ASB1: variants seen among roughly 807,000 people sequenced by gnomAD.
ASB1 encodes the protein ankyrin repeat and SOCS box containing 1.
In ASB1, 18 loss-of-function variants were observed where a neutral mutation model predicts 27.7. The ratio of observed to expected loss-of-function variants is 0.65; its 90% CI spans 0.45 to 0.96. The LOEUF (loss-of-function observed/expected upper bound fraction) is 0.96, where lower values mean the gene tolerates loss of function less well. Ranked by LOEUF, ASB1 falls within the 50% of genes least tolerant of loss-of-function variation. ASB1 has a pLI of 0.00. For synonymous variants in ASB1, 189 were observed against 187.6 expected (o/e 1.01, Z -0.06); for missense variants, 397 against 451.7 (o/e 0.88, Z 1.10).
intron 1 of ASB1, among the ~76,000 whole-genome samples, chr2:238,429,955 A>AACG (rs1701837248): frequency 2.0e-5 from 3 of 148,948 alleles, no homozygotes; most frequent in Non-Finnish European, 3.0e-5. Flanking sequence ...AAAAAAAACC[A>AACG]AGTACAATAA....
intron 2 of ASB1, 25 bp downstream of exon 2, chr2:238,433,720 T>C: frequency 2.5e-6 from 4 of 1,612,420 alleles, no homozygotes; most frequent in Non-Finnish European, 3.4e-6. Context: ...CCAGGGCTGG[T>C]CCGGGTACTA....
intron 3 of ASB1, among the ~76,000 whole-genome samples, chr2:238,444,120 C>T (rs181054084): frequency 2.8e-4 from 42 of 152,288 alleles, no homozygotes; most frequent in Middle Eastern, 3.4e-3. Flanking sequence ...TGAAGGACTT[C>T]CCTTAGGAAT....
rs542132494 is a variant in ASB1, at chr2:238,437,463, C to T, written c.494+1450C>T. Among the ~76,000 whole-genome samples, 9 of 152,204 alleles carry T rather than the reference C, an allele frequency of 5.9e-5. No homozygotes were observed. The South Asian group carries it at 1.7e-3, about 28-fold the overall frequency. On this transcript the variant is annotated intron_variant, in intron 3 of 4. Transcript: ENST00000264607. ...GCCAGGATGGTCTCGATCTTCTGAC[C>T]TCGTGATCCGCCCGCCTCGGCCTCC...
intron 1 of ASB1, among the ~76,000 whole-genome samples, chr2:238,432,305 T>G (rs1296577659): frequency 6.6e-6 from 1 of 152,272 alleles, no homozygotes; most frequent in Non-Finnish European, 1.5e-5. Context: ...GGGTCACGCT[T>G]TATTTAAAAT....
chr2:238,435,969 C>G lies in ASB1; in HGVS notation c.450C>G (p.His150Gln). 3 of 1,613,948 alleles carry G rather than the reference C, an allele frequency of 1.9e-6. No homozygotes were observed. The highest frequency in any genetic ancestry group is 2.5e-6 in the Non-Finnish European group (3 of 1,179,998). ...ACCATCGCAGCACCCCTGTCTACCACGCCTCTCGCGTGGGCCGGGCAGACA... is the reference window on the plus strand; with the variant it reads ...ACCATCGCAGCACCCCTGTCTACCAGGCCTCTCGCGTGGGCCGGGCAGACA... ...SRHHRSTPVY[H>Q]ASRVGRADIL... Residue 150 changes from histidine to glutamine, a missense_variant, in exon 3 of 5, where the codon CAC becomes CAG. Physicochemically the swap from His to Gln is conservative, Grantham distance 24. Transcript: ENST00000264607.
At chr2:238,439,049 C>A (rs1297608671) in intron 3 of ASB1, among the ~76,000 whole-genome samples, 1 of 151,982 alleles carries the variant, frequency 6.6e-6, no homozygotes, top group Non-Finnish European at 1.5e-5. Context: ...GTCATATTGC[C>A]CAAAATTACA....
intron 2 of ASB1, 119 bp from the exon 3 acceptor site, chr2:238,435,592 G>C: frequency 2.9e-6 from 3 of 1,046,754 alleles, no homozygotes; most frequent in Non-Finnish European, 4.1e-6. Flanking sequence ...GCAGAGCCCA[G>C]GTGGAGGCGT....
chr2:238,427,205 T>C (rs1574998666), intron 1 of ASB1, 86 bp downstream of exon 1: 1 of 1,053,700 alleles, frequency 9.5e-7, no homozygotes, highest in Admixed American at 4.3e-5. Flanking sequence ...TCCTGCGTCC[T>C]CGTCCCGGGC....
chr2:238,435,561 G>T, intron 2 of ASB1, 150 bp from the exon 3 acceptor site: 3 of 795,902 alleles, frequency 3.8e-6, no homozygotes, highest in South Asian at 1.8e-5. Flanking sequence ...GCAGGGGAAA[G>T]GTGTGAGAGC....
In ASB1 at chr2:238,446,505, T is replaced by C. The variant is rs759867486; in HGVS notation, c.1002T>C (p.His334=). Residue 334 remains histidine (H), a synonymous_variant, in exon 5 of 5, where the codon CAT becomes CAC. Transcript: ENST00000264607. ...LPDPIKKFLL[H]E ...ACCCCATAAAGAAGTTTCTACTCCA[T>C]GAGTAGACTCCAAGTGCTGCGGTTG... The C allele has an allele frequency of 1.2e-6, 2 of 1,613,946 alleles. No homozygotes were observed. The highest frequency in any genetic ancestry group is 1.7e-6 in the Non-Finnish European group (2 of 1,179,972).
At chr2:238,429,198 G>T (rs1481766918) in intron 1 of ASB1, among the ~76,000 whole-genome samples, 2 of 152,192 alleles carry the variant, frequency 1.3e-5, no homozygotes, top group African/African-American at 4.8e-5. Flanking sequence ...AAAAAACAAT[G>T]TCAGCATCTG....
chr2:238,437,529 C>T lies in ASB1; in HGVS notation c.494+1516C>T, dbSNP rs575118430. On this transcript the variant is annotated intron_variant, in intron 3 of 4. Transcript: ENST00000264607. ...ACAGGCGTGAGCCACAGTGCCTGGCCTACAGTCTTATTTTAATCATACTAA... is the reference window on the plus strand; with the variant it reads ...ACAGGCGTGAGCCACAGTGCCTGGCTTACAGTCTTATTTTAATCATACTAA... Among the ~76,000 whole-genome samples, 48 of 151,102 alleles carry T rather than the reference C, an allele frequency of 3.2e-4. 1 individual carries two copies. The South Asian group carries it at 9.6e-3, about 30-fold the overall frequency.
At chr2:238,433,790 A>C (rs1399284353) in intron 2 of ASB1, 95 bp downstream of exon 2, 3 of 1,418,444 alleles carry the variant, frequency 2.1e-6, no homozygotes, top group Middle Eastern at 2.4e-4. Context: ...GAAGACCTTG[A>C]TGTTGGGAGG....
intron 4 of ASB1, among the ~76,000 whole-genome samples, chr2:238,445,387 A>T (rs991828425): frequency 6.6e-6 from 1 of 152,184 alleles, no homozygotes; most frequent in Non-Finnish European, 1.5e-5. Flanking sequence ...ACAAATTGCA[A>T]GCGGGGCTTT....
rs1011778693 is a variant in ASB1 at position 238,447,094 on chromosome 2, G to C, written c.*583G>C. ...CTCATAGTGAGTGTCTTCACTCAAG[G>C]GTGGTTTCCTGGCTGCACGGCACCT... On this transcript the variant is annotated 3_prime_UTR_variant, in exon 5 of 5. Coordinates refer to ENST00000264607, the MANE Select transcript of ASB1 (RefSeq NM_001040445.3). 2 of 154,738 alleles carry C rather than the reference G, an allele frequency of 1.3e-5. No individual in the cohort carries two copies. The highest frequency in any genetic ancestry group is 4.8e-5 in the African/African-American group (2 of 41,400). The allele number at this position is 154,738 out of a possible 1,614,324, so 9.6% of individuals were successfully genotyped here.
rs1452144611 is a variant in ASB1, at chr2:238,432,653, G to A, written c.50-901G>A. ...GATGACTATGTTCTCCTTCATAGTT[G>A]CCCAGTATTAAGATATTCCCAAATA... On this transcript the variant is annotated intron_variant, in intron 1 of 4. Coordinates refer to ENST00000264607, the MANE Select transcript of ASB1 (RefSeq NM_001040445.3). Among the ~76,000 whole-genome samples, 3 of 152,242 alleles carry A rather than the reference G, an allele frequency of 2.0e-5. No homozygotes were observed. In the East Asian group the frequency reaches 5.8e-4, roughly 29 times the overall value.
chr2:238,436,430 C>G (rs961525367), intron 3 of ASB1, among the ~76,000 whole-genome samples: 1 of 152,010 alleles, frequency 6.6e-6, no homozygotes, highest in Non-Finnish European at 1.5e-5. Flanking sequence ...TTGTATTATG[C>G]TCAGATAATA....
rs1254640368 is a variant in ASB1 at position 238,451,414 on chromosome 2, G to C, written c.*4903G>C. 1 of 152,302 alleles carries C rather than the reference G, an allele frequency of 6.6e-6. No individual in the cohort carries two copies. Among genetic ancestry groups the C allele is most frequent in the Non-Finnish European group, 1.5e-5 (1 of 68,094 alleles). 9.4% of individuals were successfully genotyped at this position (152,302 alleles called of 1,614,324 possible). A position where few individuals can be genotyped will look rare whatever the true frequency, so the allele number is the denominator to read the frequency against. ...TGAGAATGGTGTTTATGAAGAAGCTGTTTCGTGTGTACAGTTGCTGCTGTA... is the reference window on the plus strand; with the variant it reads ...TGAGAATGGTGTTTATGAAGAAGCTCTTTCGTGTGTACAGTTGCTGCTGTA... On this transcript the variant is annotated 3_prime_UTR_variant, in exon 5 of 5. Coordinates refer to ENST00000264607, the MANE Select transcript of ASB1 (RefSeq NM_001040445.3).
chr2:238,435,852 A>T lies in ASB1; in HGVS notation c.333A>T (p.Gly111=), dbSNP rs1701959020. Residue 111 remains glycine, a synonymous_variant, in exon 3 of 5, where the codon GGA becomes GGT. Coordinates refer to ENST00000264607, the MANE Select transcript of ASB1 (RefSeq NM_001040445.3). ...GAEVDLVDVK[G]QTALYVAVVN... The stretch of plus-strand genomic sequence containing the variant: ...AGGTGGATCTGGTGGACGTAAAAGG[A>T]CAGACGGCCCTGTATGTGGCTGTGG... 2 of 1,614,248 alleles carry T rather than the reference A, an allele frequency of 1.2e-6. No individual in the cohort carries two copies. The highest frequency in any genetic ancestry group is 8.5e-7 in the Non-Finnish European group (1 of 1,180,036).
Sources: allele counts gnomAD v4.1 joint callset (sites outside exome capture counted in the v4.1 genomes callset), GRCh38; gene constraint gnomAD v4.1.1; transcripts MANE v1.5; gene names NCBI Gene and HGNC (gene_info 2026-07-23, HGNC 2026-07-21).